The following WDR11 variants were observed in gnomAD, a reference collection of about 807,000 sequenced individuals.
WDR11 encodes the protein WD repeat-containing protein 11.
A neutral mutation model predicts 151.2 loss-of-function variants in WDR11; 83 were observed. The ratio of observed to expected loss-of-function variants is 0.55; its 90% CI spans 0.46 to 0.66. WDR11 has a LOEUF of 0.66. Among genes scored for constraint, WDR11 ranks in the 30% least tolerant of loss-of-function variants. The pLI, the probability that WDR11 is intolerant of heterozygous loss-of-function variation, is 0.00. For missense variants in WDR11, 1,301 were observed against 1,480.9 expected (o/e 0.88, Z 1.99); for synonymous variants, 484 against 533.1 (o/e 0.91, Z 1.27).
At chr10:120,865,766 A>T in intron 7 of WDR11, 22 bp downstream of exon 7, 1 of 1,491,384 alleles carries the variant, frequency 6.7e-7, no homozygotes, top group African/African-American at 1.4e-5. Context: ...TCTCACAATA[A>T]TGTTATATTT....
intron 27 of WDR11, chr10:120,906,552 TTTCACA>T: frequency 7.1e-7 from 1 of 1,401,536 alleles, no homozygotes; most frequent in South Asian, 1.5e-5. Flanking sequence ...ATTTAAACTA[TTTCACA>T]ATTTTTTAAA....
chr10:120,902,343 C>A, intron 22 of WDR11, 21 bp downstream of exon 22: 1 of 1,602,820 alleles, frequency 6.2e-7, no homozygotes, highest in Non-Finnish European at 8.5e-7. Context: ...TTGATGTATT[C>A]TGTATAAGAG....
At chr10:120,855,993 A>G (rs1307049897) in intron 2 of WDR11, 1 of 152,118 alleles carries the variant, frequency 6.6e-6, no homozygotes, top group Non-Finnish European at 1.5e-5. Flanking sequence ...GTGTTTTGGG[A>G]AAAATATATT....
intron 19 of WDR11, among the ~76,000 whole-genome samples, chr10:120,895,563 G>A (rs906328576): frequency 6.6e-6 from 1 of 152,028 alleles, no homozygotes; most frequent in African/African-American, 2.4e-5. Context: ...AAACGAAAGT[G>A]TTCAATAAGC....
chr10:120,902,465 G>C (rs1847864758), intron 22 of WDR11, 143 bp downstream of exon 22: 6 of 747,926 alleles, frequency 8.0e-6, no homozygotes, highest in Admixed American at 2.4e-5. Context: ...AATTTTGACA[G>C]TAGTAATAAC....
Position 120,862,815 on chromosome 10 carries a change from A to G in WDR11, c.607A>G (p.Ile203Val). The G allele has an allele frequency of 6.2e-7, 1 of 1,614,170 alleles. No homozygotes were observed. The highest frequency in any genetic ancestry group is 8.5e-7 in the Non-Finnish European group (1 of 1,180,034). Residue 203 changes from isoleucine (I) to valine (V), a missense_variant, in exon 5 of 29, where the codon ATA (isoleucine) becomes GTA (valine). Transcript: ENST00000263461. ...CTCAGGCCCTGGGAAAAAAGTTTAC[A>G]TATCCAGCCCACACTCTAGCCCAGC... ...PPSGPGKKVY[I>V]SSPHSSPAHN... is the part of the protein sequence containing the mutation.
Position 120,852,450 on chromosome 10 carries a change from T to A in WDR11, c.87-74T>A, listed in dbSNP as rs1425541163. 8.0e-6 allele frequency: 10 copies of A among 1,254,806 alleles called. 1 individual carries two copies. Among genetic ancestry groups the A allele is most frequent in the Admixed American group, 3.7e-5 (2 of 54,360 alleles). The allele number at this position is 1,254,806 out of a possible 1,614,324, so 77.7% of individuals were successfully genotyped here. A position where few individuals can be genotyped will look rare whatever the true frequency, so the allele number is the denominator to read the frequency against. On this transcript the variant is annotated intron_variant, in intron 1 of 28. Coordinates refer to ENST00000263461, the MANE Select transcript of WDR11 (RefSeq NM_018117.12). The stretch of plus-strand genomic sequence containing the variant: ...GGTACATATGAATTAGACTTATCAT[T>A]TATTTAGGCTTGGCAAGAAAGAAGT...
Position 120,871,421 on chromosome 10 carries a change from C to T in WDR11, c.1471+75C>T, listed in dbSNP as rs1393657972. ...TTAGGTTTTCTAGTTTCTAGAAGAT[C>T]CTTTATTCTTTTTGAGGATGCTTTA... is the stretch of plus-strand genomic sequence containing the variant. On this transcript the variant is annotated intron_variant, in intron 10 of 28. Transcript: ENST00000263461. 8 of 1,449,390 alleles carry T rather than the reference C, an allele frequency of 5.5e-6. No individual in the cohort carries two copies. The East Asian group carries it at 9.1e-5, about 16-fold the overall frequency. 89.8% of individuals were successfully genotyped at this position (1,449,390 alleles called of 1,614,324 possible).
chr10:120,876,217 T>C (rs1846781769), intron 11 of WDR11, among the ~76,000 whole-genome samples: 1 of 152,020 alleles, frequency 6.6e-6, no homozygotes, highest in South Asian at 2.1e-4. Context: ...TGACCTCAGA[T>C]GATCTACCTG....
In WDR11 at chr10:120,909,150, T is replaced by C. The variant is rs987244602; in HGVS notation, c.*437T>C. The C allele has an allele frequency of 5.7e-6, 1 of 174,076 alleles. No individual in the cohort carries two copies. Among genetic ancestry groups the C allele is most frequent in the African/African-American group, 2.4e-5 (1 of 41,818 alleles). The allele number at this position is 174,076 out of a possible 1,614,324, so 10.8% of individuals were successfully genotyped here. Reference sequence around the variant, plus strand: ...CTTATATACAGTCTTTCAAGAGAGATACAAACAAGGCAGAAACATTTAAAC... The same window carrying C: ...CTTATATACAGTCTTTCAAGAGAGACACAAACAAGGCAGAAACATTTAAAC... On this transcript the variant is annotated 3_prime_UTR_variant, in exon 29 of 29. Coordinates refer to ENST00000263461, the MANE Select transcript of WDR11 (RefSeq NM_018117.12).
Position 120,908,681 on chromosome 10 carries a change from G to T in WDR11, c.3643G>T (p.Glu1215Ter). ...TGGCAAAGACTTATTGAATGAGCTTGAGTCCCCCAAGGAAGAACCCATTGA... is the reference window on the plus strand; with the variant it reads ...TGGCAAAGACTTATTGAATGAGCTTTAGTCCCCCAAGGAAGAACCCATTGA... ...AAGKDLLNEL[E>*]SPKEEPIEE is the part of the protein sequence containing the mutation. The change falls in exon 29 of 29, where the codon GAG becomes TAG. Residue 1215 changes from glutamate (E) to a stop codon, truncating the protein, a stop_gained. Transcript: ENST00000263461. LOFTEE classifies it high-confidence loss of function. 2 of 1,614,160 alleles carry T rather than the reference G, an allele frequency of 1.2e-6. No individual in the cohort carries two copies. Among genetic ancestry groups the T allele is most frequent in the Non-Finnish European group, 1.7e-6 (2 of 1,180,030 alleles).
At position 120,904,703 on chromosome 10, in the gene WDR11, T is replaced by C; in HGVS notation, c.3085T>C (p.Cys1029Arg). 1 of 1,614,232 alleles carries C rather than the reference T, an allele frequency of 6.2e-7. No individual in the cohort carries two copies. Among genetic ancestry groups the C allele is most frequent in the Non-Finnish European group, 8.5e-7 (1 of 1,180,030 alleles). Reference protein sequence around the residue: ...ETSADNQHYYCDSLKACLVTT... With the variant: ...ETSADNQHYYRDSLKACLVTT... ...AAGTGCAGATAACCAGCATTATTAC[T>C]GTGATTCACTGAAAGCCTGTTTAGT... The change falls in exon 25 of 29, where the codon TGT (cysteine) becomes CGT (arginine). Residue 1029 changes from cysteine (C) to arginine (R), a missense_variant. This residue lies in a region of WDR11 where 589 missense variants were observed against 670.6 expected (regional missense o/e 0.88). Coordinates refer to ENST00000263461, the MANE Select transcript of WDR11 (RefSeq NM_018117.12).
chr10:120,893,647 C>G, intron 19 of WDR11, among the ~76,000 whole-genome samples: 1 of 151,452 alleles, frequency 6.6e-6, no homozygotes, highest in African/African-American at 2.4e-5. Context: ...TAAAAGTGTT[C>G]CTATTTCTCC....
Position 120,871,059 on chromosome 10 carries a change from A to G in WDR11, c.1295-111A>G, listed in dbSNP as rs544677087. The G allele has an allele frequency of 2.2e-5, 24 of 1,107,462 alleles. No individual in the cohort carries two copies. In the African/African-American group the frequency reaches 3.1e-4, roughly 14 times the overall value. The allele number at this position is 1,107,462 out of a possible 1,614,324, so 68.6% of individuals were successfully genotyped here. ...CTACAGCCACTAAAGTACTACATTA[A>G]CTACATTATACTTTTAGACCTGAAG... is the stretch of plus-strand genomic sequence containing the variant. On this transcript the variant is annotated intron_variant, in intron 9 of 28. Transcript: ENST00000263461.
intron 13 of WDR11, among the ~76,000 whole-genome samples, chr10:120,882,557 A>G (rs1158434941): frequency 2.4e-5 from 3 of 126,132 alleles, no homozygotes; most frequent in African/African-American, 9.4e-5. Context: ...TTTTTTTTTC[A>G]TAAATATAGG....
intron 20 of WDR11, 150 bp downstream of exon 20, chr10:120,900,287 G>A (rs767028619): frequency 7.1e-5 from 53 of 744,404 alleles, no homozygotes; most frequent in Non-Finnish European, 1.0e-4. Flanking sequence ...TTGCCAGGCT[G>A]CCTCTGGGTT....
chr10:120,875,501 T>C (rs1249674548), intron 11 of WDR11, among the ~76,000 whole-genome samples: 2 of 152,186 alleles, frequency 1.3e-5, no homozygotes, highest in Non-Finnish European at 2.9e-5. Context: ...AAAATATGAA[T>C]TTCCACTTTT....
At chr10:120,858,263 G>C (rs1846020928) in intron 2 of WDR11, among the ~76,000 whole-genome samples, 1 of 151,890 alleles carries the variant, frequency 6.6e-6, no homozygotes, top group Admixed American at 6.6e-5. Flanking sequence ...TCTTCTTTTA[G>C]TTAGGAGACT....
chr10:120,870,283 T>C (rs1846490063), intron 9 of WDR11, among the ~76,000 whole-genome samples: 1 of 152,234 alleles, frequency 6.6e-6, no homozygotes. Flanking sequence ...TTTATACTTT[T>C]CCTTTCACAC....
Sources: allele counts gnomAD v4.1 joint callset (sites outside exome capture counted in the v4.1 genomes callset), GRCh38; gene constraint gnomAD v4.1.1; regional missense constraint gnomAD v4.1.1; transcripts MANE v1.5; gene names NCBI Gene and HGNC (gene_info 2026-07-23, HGNC 2026-07-21).